The following OR51B5 variants were observed in gnomAD, a reference collection of about 807,000 sequenced individuals.
OR51B5 encodes olfactory receptor 51B5.
For missense variants in OR51B5, 456 were observed against 374.6 expected, an observed-to-expected ratio of 1.22 and a Z score of -1.79; for synonymous variants, 186 against 144.8, an observed-to-expected ratio of 1.28 and a Z score of -2.04.
At position 5,351,083 on chromosome 11, in the gene OR51B5, C is replaced by CG. The variant is rs1225378684; in HGVS notation, n.85-4174_85-4173insC. 3.3e-5 allele frequency among the ~76,000 whole-genome samples: 5 copies of CG among 152,216 alleles called. No individual in the cohort carries two copies. The East Asian group carries it at 9.6e-4, about 29-fold the overall frequency. ...TTAGGTCTCACATAGCCTGGGAAACCTTTACATCCACCCTATAATACCACC... is the reference window on the plus strand; with the variant it reads ...TTAGGTCTCACATAGCCTGGGAAACCGTTTACATCCACCCTATAATACCACC... On this transcript the variant is annotated intron_variant and non_coding_transcript_variant, in intron 1 of 4. Coordinates refer to the OR51B5 transcript ENST00000415970.
chr11:5,343,128 C>G (rs1250585720), exon 1 of OR51B5: 2 of 1,613,346 alleles, frequency 1.2e-6, no homozygotes, highest in Admixed American at 1.7e-5. Context: ...TTAGTAAGTA[C>G]AGAGGTATAT....
At chr11:5,345,339 T>C (rs1227776379), upstream of OR51B5, among the ~76,000 whole-genome samples, 2 of 152,088 alleles carry the variant, frequency 1.3e-5, no homozygotes, top group East Asian at 1.9e-4. Flanking sequence ...CATGGTGACC[T>C]TGACTAGGAG....
chr11:5,345,397 G>GAGAC, upstream of OR51B5, among the ~76,000 whole-genome samples: 1 of 152,150 alleles, frequency 6.6e-6, no homozygotes, highest in East Asian at 1.9e-4. Flanking sequence ...AACTTAAACA[G>GAGAC]AGACAGATGC....
At chr11:5,463,721 A>C (rs569775596) in intron 1 of OR51B5, among the ~76,000 whole-genome samples, 1 of 152,352 alleles carries the variant, frequency 6.6e-6, no homozygotes, top group East Asian at 1.9e-4. Flanking sequence ...ACTATTTGCC[A>C]ATCCCAGTGT....
intron 1 of OR51B5, among the ~76,000 whole-genome samples, chr11:5,494,296 A>G (rs774906765): frequency 1.3e-5 from 2 of 152,094 alleles, no homozygotes; most frequent in Non-Finnish European, 2.9e-5. Context: ...CCCCTCATAG[A>G]CTTTGAGGTG....
intron 1 of OR51B5, chr11:5,488,541 T>C (rs951446938): frequency 3.3e-6 from 2 of 600,558 alleles, no homozygotes; most frequent in Non-Finnish European, 5.9e-6. Context: ...GAATTATATG[T>C]GGTAGTCATT....
At chr11:5,460,021 A>G (rs1266697675) in intron 1 of OR51B5, among the ~76,000 whole-genome samples, 1 of 152,198 alleles carries the variant, frequency 6.6e-6, no homozygotes, top group Non-Finnish European at 1.5e-5. Flanking sequence ...TATCAAACAT[A>G]TACACCATGG....
intron 1 of OR51B5, among the ~76,000 whole-genome samples, chr11:5,418,883 A>AAAAAG (rs66541521): frequency 1.3e-5 from 2 of 151,290 alleles, no homozygotes; most frequent in Non-Finnish European, 2.9e-5. Flanking sequence ...ATTATAAAAA[A>AAAAAG]AAAAAAAGCA....
chr11:5,431,272 C>A, intron 1 of OR51B5: 3 of 315,754 alleles, frequency 9.5e-6, no homozygotes, highest in Middle Eastern at 1.4e-3. Context: ...TGACTCCATG[C>A]AGGAGAAGGT....
At chr11:5,348,263 G>C (rs1032519146), upstream of OR51B5, among the ~76,000 whole-genome samples, 1 of 152,090 alleles carries the variant, frequency 6.6e-6, no homozygotes, top group Non-Finnish European at 1.5e-5. Context: ...ACAAACCAGA[G>C]CATGGGTGTT....
chr11:5,374,421 GC>G (rs1849492132), intron 1 of OR51B5, among the ~76,000 whole-genome samples: 1 of 152,172 alleles, frequency 6.6e-6, no homozygotes, highest in Admixed American at 6.5e-5. Context: ...AAAAAGCAGA[GC>G]ACCTTTCCTC....
exon 1 of OR51B5, chr11:5,343,401 T>A: frequency 6.2e-7 from 1 of 1,612,194 alleles, no homozygotes; most frequent in Non-Finnish European, 8.5e-7. Flanking sequence ...AGAAGGAGGG[T>A]GCCATTGCCA....
At position 5,422,512 on chromosome 11, in the gene OR51B5, C is replaced by A; in HGVS notation, n.85-75602G>T. The A allele has an allele frequency of 1.9e-6, 3 of 1,614,158 alleles. No individual in the cohort carries two copies. In the South Asian group the frequency reaches 3.3e-5, roughly 18 times the overall value. On this transcript the variant is annotated intron_variant and non_coding_transcript_variant, in intron 1 of 4. Transcript: ENST00000415970. ...CTGAGGCCTGTTTTGCTCAGTTTTT[C>A]TTCCTTCATGGATTCTCCTTTATGG...
intron 1 of OR51B5, chr11:5,449,258 C>T (rs1477014557): frequency 6.6e-6 from 1 of 152,264 alleles, no homozygotes; most frequent in African/African-American, 2.4e-5. Flanking sequence ...CATCACTGCC[C>T]TCTACCGCAG....
At position 5,359,122 on chromosome 11, in the gene OR51B5, T is replaced by A. The variant is rs375240253; in HGVS notation, n.85-12212A>T. Among the ~76,000 whole-genome samples, 3 of 152,228 alleles carry A rather than the reference T, an allele frequency of 2.0e-5. No individual in the cohort carries two copies. The South Asian group carries it at 6.2e-4, about 32-fold the overall frequency. The stretch of plus-strand genomic sequence containing the variant: ...CCTCTCTCACTACTCCTATTCAACA[T>A]AGTGTTGGAATTTCTGGCCAGGGCA... On this transcript the variant is annotated intron_variant and non_coding_transcript_variant, in intron 1 of 4. Transcript: ENST00000415970.
intron 1 of OR51B5, among the ~76,000 whole-genome samples, chr11:5,374,397 A>G (rs1002665854): frequency 6.6e-6 from 1 of 152,180 alleles, no homozygotes; most frequent in African/African-American, 2.4e-5. Context: ...CAGAGCAGAA[A>G]AACTGGAAAC....
At chr11:5,363,183 T>C (rs2133699646) in intron 1 of OR51B5, among the ~76,000 whole-genome samples, 1 of 151,508 alleles carries the variant, frequency 6.6e-6, no homozygotes, top group South Asian at 2.1e-4. Flanking sequence ...TCTGGAGAAA[T>C]CATTTTTCAT....
At chr11:5,386,838 AT>A (rs1849702337) in intron 1 of OR51B5, among the ~76,000 whole-genome samples, 1 of 123,648 alleles carries the variant, frequency 8.1e-6, no homozygotes, top group Non-Finnish European at 1.8e-5. Flanking sequence ...TGAGTAGAGC[AT>A]CAGCTCAAAA....
intron 1 of OR51B5, among the ~76,000 whole-genome samples, chr11:5,367,012 G>C (rs55709035): frequency 0.27 from 41,353 of 151,854 alleles, 5,910 homozygotes; most frequent in African/African-American, 0.33. Flanking sequence ...TCCACCTCCC[G>C]CTGCAGTCCA....
Sources: gnomAD v4.1 joint callset for allele counts (sites outside exome capture counted in the v4.1 genomes callset) on GRCh38, gnomAD v4.1.1 for gene constraint, MANE v1.5 for transcripts, NCBI Gene and HGNC (gene_info 2026-07-23, HGNC 2026-07-21) for gene names.